HSD17B12: variants seen among roughly 807,000 people sequenced by gnomAD.
HSD17B12 encodes hydroxysteroid 17-beta dehydrogenase 12.
HSD17B12 carries 32 observed loss-of-function variants against 39.3 expected under a neutral mutation model. The observed-to-expected ratio is 0.81, with a 90% CI of 0.61 to 1.09. The LOEUF is 1.09. HSD17B12 is among the 50% of genes least tolerant of loss of function. The pLI is 0.00. For synonymous variants in HSD17B12, 150 were observed against 146.7 expected (o/e 1.02, Z -0.16); for missense variants, 342 against 382.9 (o/e 0.89, Z 0.89).
At chr11:43,607,719 C>G in the HSD17B12 span, among the ~76,000 whole-genome samples, 1 of 152,212 alleles carries the variant, frequency 6.6e-6, no homozygotes, top group Non-Finnish European at 1.5e-5. Flanking sequence ...GTACTACATA[C>G]TTTCTCAATG....
At chr11:43,829,845 T>C (rs1439284447) in intron 6 of HSD17B12, 2 of 152,104 alleles carry the variant, frequency 1.3e-5, no homozygotes. Flanking sequence ...CTAAGCATTA[T>C]GGTCCCTGAT....
intron 1 of HSD17B12, 181 bp downstream of exon 1, chr11:43,681,168 C>T: frequency 7.1e-7 from 1 of 1,401,868 alleles, no homozygotes; most frequent in Non-Finnish European, 9.2e-7. Flanking sequence ...GCTTAGACTA[C>T]TTGCAGAGTT....
intron 3 of HSD17B12, 56 bp from the exon 4 acceptor site, chr11:43,798,264 A>G: frequency 1.0e-6 from 1 of 974,026 alleles, no homozygotes; most frequent in Non-Finnish European, 1.6e-6. Flanking sequence ...CTTAATCTTC[A>G]CTGCCATGTA....
chr11:43,825,370 C>T (rs1032103046), intron 6 of HSD17B12, among the ~76,000 whole-genome samples: 5 of 152,138 alleles, frequency 3.3e-5, no homozygotes, highest in African/African-American at 7.2e-5. Flanking sequence ...GTGAAAAGCA[C>T]GGAAACATTT....
the HSD17B12 span, among the ~76,000 whole-genome samples, chr11:43,648,613 G>A: frequency 5.3e-5 from 8 of 152,274 alleles, no homozygotes; most frequent in South Asian, 1.7e-3. Context: ...TAAAAGAATC[G>A]AATAAAGCAG....
At chr11:43,742,214 T>G (rs1950374262) in intron 1 of HSD17B12, among the ~76,000 whole-genome samples, 1 of 150,636 alleles carries the variant, frequency 6.6e-6, no homozygotes, top group African/African-American at 2.4e-5. Flanking sequence ...CATAACTCAC[T>G]TCATCCTCAA....
the HSD17B12 span, among the ~76,000 whole-genome samples, chr11:43,662,840 G>T: frequency 6.6e-6 from 1 of 151,834 alleles, no homozygotes; most frequent in African/African-American, 2.4e-5. Flanking sequence ...TCTAAATAGG[G>T]TTTGAACATA....
In HSD17B12 at chr11:43,712,200, G is replaced by A. The variant is rs181754109; in HGVS notation, c.160+31213G>A. 4.4e-3 allele frequency among the ~76,000 whole-genome samples: 665 copies of A among 152,136 alleles called. 5 individuals are homozygous for A. Among genetic ancestry groups the A allele is most frequent in the African/African-American group, 0.015 (635 of 41,496 alleles). ...TCCCAGGACTTTGGGAGGCGGAGGC[G>A]GGCAGATCACGAGGTCAGGAGATCA... On this transcript the variant is annotated intron_variant, in intron 1 of 10. Coordinates refer to ENST00000278353, the MANE Select transcript of HSD17B12 (RefSeq NM_016142.3).
the HSD17B12 span, among the ~76,000 whole-genome samples, chr11:43,591,912 A>G: frequency 6.6e-6 from 1 of 152,040 alleles, no homozygotes; most frequent in African/African-American, 2.4e-5. Context: ...TAATTCATTA[A>G]TATGTTTATT....
the HSD17B12 span, among the ~76,000 whole-genome samples, chr11:43,650,471 T>C: frequency 1.3e-5 from 2 of 152,090 alleles, no homozygotes; most frequent in Non-Finnish European, 2.9e-5. Flanking sequence ...TGATGCCAAG[T>C]ATTGGTGGGG....
At chr11:43,656,494 G>A in the HSD17B12 span, among the ~76,000 whole-genome samples, 2 of 152,012 alleles carry the variant, frequency 1.3e-5, no homozygotes, top group African/African-American at 4.8e-5. Context: ...TGTGATGTTA[G>A]GGTGTCAATT....
At chr11:43,769,546 A>G (rs1429395539) in intron 3 of HSD17B12, among the ~76,000 whole-genome samples, 1 of 152,160 alleles carries the variant, frequency 6.6e-6, no homozygotes, top group Non-Finnish European at 1.5e-5. Context: ...TGTGATGTTG[A>G]TATTTCTAAC....
At chr11:43,767,658 A>G (rs1950607376) in intron 3 of HSD17B12, among the ~76,000 whole-genome samples, 3 of 152,246 alleles carry the variant, frequency 2.0e-5, no homozygotes, top group South Asian at 2.1e-4. Flanking sequence ...GTCTAATACT[A>G]GAATCAAAGA....
chr11:43,622,051 C>T, the HSD17B12 span, among the ~76,000 whole-genome samples: 12 of 152,176 alleles, frequency 7.9e-5, no homozygotes, highest in African/African-American at 1.9e-4. Flanking sequence ...GTCACAGAAT[C>T]GGCTATGTAG....
At chr11:43,839,669 T>A (rs1951405813) in intron 8 of HSD17B12, among the ~76,000 whole-genome samples, 1 of 152,136 alleles carries the variant, frequency 6.6e-6, no homozygotes. Context: ...AGTGGAGAGA[T>A]GAAATGAGTC....
chr11:43,794,627 T>C (rs940639206), intron 3 of HSD17B12, among the ~76,000 whole-genome samples: 9 of 152,146 alleles, frequency 5.9e-5, no homozygotes, highest in African/African-American at 2.2e-4. Flanking sequence ...TTCACCGGGA[T>C]CAGCCATTGG....
At chr11:43,712,433 GAAGA>G (rs1286540264) in intron 1 of HSD17B12, among the ~76,000 whole-genome samples, 5 of 151,906 alleles carry the variant, frequency 3.3e-5, no homozygotes, top group African/African-American at 7.3e-5. Context: ...CTCAAAAAAT[GAAGA>G]AACAACCAAA....
At chr11:43,780,506 G>A (rs931849244) in intron 3 of HSD17B12, among the ~76,000 whole-genome samples, 10 of 152,104 alleles carry the variant, frequency 6.6e-5, no homozygotes, top group African/African-American at 2.4e-4. Flanking sequence ...TGTTACATAT[G>A]TAATGTATGT....
Position 43,742,372 on chromosome 11 carries a change from G to A in HSD17B12, c.161-8539G>A, listed in dbSNP as rs1950376070. Among the ~76,000 whole-genome samples, 3 of 151,532 alleles carry A rather than the reference G, an allele frequency of 2.0e-5. No homozygotes were observed. The South Asian group carries it at 6.2e-4, about 32-fold the overall frequency. The stretch of plus-strand genomic sequence containing the variant: ...GCCCAGGCTGGTCTTGAACTCCTGA[G>A]CTCAAGCATTCTTCCCACCTCAGCC... On this transcript the variant is annotated intron_variant, in intron 1 of 10. Coordinates refer to ENST00000278353, the MANE Select transcript of HSD17B12 (RefSeq NM_016142.3).
Sources: gnomAD v4.1 joint callset for allele counts (sites outside exome capture counted in the v4.1 genomes callset) on GRCh38, gnomAD v4.1.1 for gene constraint, MANE v1.5 for transcripts, NCBI Gene and HGNC (gene_info 2026-07-23, HGNC 2026-07-21) for gene names.